Variants in LRRC8C observed in about 807,000 individuals in gnomAD.
LRRC8C encodes leucine rich repeat containing 8 VRAC subunit C.
LRRC8C carries 20 observed loss-of-function variants against 55.3 expected under a neutral mutation model. That is an observed-to-expected ratio of 0.36 (90% CI 0.25 to 0.53). The LOEUF is 0.53. Ranked by LOEUF, LRRC8C falls within the 20% of genes least tolerant of loss-of-function variation. The pLI, the probability that LRRC8C is intolerant of heterozygous loss-of-function variation, is 0.92. For synonymous variants in LRRC8C, 376 were observed against 360.7 expected, an observed-to-expected ratio of 1.04 and a Z score of -0.48; for missense variants, 659 against 951.4, an observed-to-expected ratio of 0.69 and a Z score of 4.04.
intron 1 of LRRC8C, among the ~76,000 whole-genome samples, chr1:89,649,718 A>T (rs535046185): frequency 1.6e-4 from 24 of 152,152 alleles, no homozygotes; most frequent in Non-Finnish European, 2.6e-4. Flanking sequence ...TCCTTTGCCC[A>T]GGGTGGTGGA....
intron 1 of LRRC8C, among the ~76,000 whole-genome samples, chr1:89,648,857 A>T (rs1240800778): frequency 6.6e-6 from 1 of 152,140 alleles, no homozygotes. Context: ...TTTGTGACTA[A>T]CTTCTTTCAC....
At chr1:89,639,311 C>T (rs1033771433) in intron 1 of LRRC8C, among the ~76,000 whole-genome samples, 2 of 152,086 alleles carry the variant, frequency 1.3e-5, no homozygotes, top group Non-Finnish European at 2.9e-5. Flanking sequence ...TGAAACACTG[C>T]GTTCCATAAC....
At chr1:89,646,524 G>T (rs1011814838) in intron 1 of LRRC8C, among the ~76,000 whole-genome samples, 1 of 151,894 alleles carries the variant, frequency 6.6e-6, no homozygotes, top group East Asian at 1.9e-4. Context: ...TGATCATATG[G>T]TTTTTCTCCT....
chr1:89,632,185 CAA>C (rs1656125385), upstream of LRRC8C: 1 of 152,220 alleles, frequency 6.6e-6, no homozygotes, highest in Non-Finnish European at 1.5e-5. Flanking sequence ...TGCCAGCTTT[CAA>C]GACGTCAGAG....
chr1:89,657,561 T>C (rs769248001), intron 1 of LRRC8C, among the ~76,000 whole-genome samples: 4 of 151,822 alleles, frequency 2.6e-5, no homozygotes, highest in Non-Finnish European at 5.9e-5. Flanking sequence ...GCCAATATGG[T>C]GAAACCCCGT....
chr1:89,625,662 C>T, the LRRC8C span, among the ~76,000 whole-genome samples: 2 of 152,184 alleles, frequency 1.3e-5, no homozygotes, highest in African/African-American at 4.8e-5. Context: ...AATAATTTTC[C>T]AAAGAGAGAA....
chr1:89,698,874 A>G (rs1229371106), intron 2 of LRRC8C, among the ~76,000 whole-genome samples: 1 of 152,124 alleles, frequency 6.6e-6, no homozygotes, highest in African/African-American at 2.4e-5. Context: ...ATATGGGTGT[A>G]AACTTCCTCC....
intron 1 of LRRC8C, among the ~76,000 whole-genome samples, chr1:89,678,797 G>T (rs1363144385): frequency 6.6e-6 from 1 of 151,900 alleles, no homozygotes; most frequent in Non-Finnish European, 1.5e-5. Flanking sequence ...ATGACTCCAA[G>T]ATTTGTGGCC....
the LRRC8C span, among the ~76,000 whole-genome samples, chr1:89,627,683 C>A: frequency 2.0e-5 from 3 of 152,142 alleles, no homozygotes; most frequent in Non-Finnish European, 4.4e-5. Context: ...AATTGACTTG[C>A]CTAGGCCCAA....
At chr1:89,617,598 GTCTGTGT>G in the LRRC8C span, among the ~76,000 whole-genome samples, 1 of 152,144 alleles carries the variant, frequency 6.6e-6, no homozygotes, top group Non-Finnish European at 1.5e-5. Flanking sequence ...ATTTAATACT[GTCTGTGT>G]TCTGTTTCCA....
chr1:89,669,097 A>G (rs1208968594), intron 1 of LRRC8C, among the ~76,000 whole-genome samples: 1 of 152,214 alleles, frequency 6.6e-6, no homozygotes, highest in Non-Finnish European at 1.5e-5. Flanking sequence ...ACACAATGGA[A>G]TACTACTCAG....
rs368848144 is a variant in LRRC8C, at chr1:89,713,254, G to A, written c.684G>A (p.Gly228=). ...TTGTAGTTGATAAATCCACTGCAGG[G>A]GCTCTGGATAAAAAGGAAGGTGAGC... is the stretch of plus-strand genomic sequence containing the variant. ...EKFVVDKSTA[G]ALDKKEGEQA... The change falls in exon 3 of 3, where the codon GGG becomes GGA. Residue 228 remains glycine, a synonymous_variant. Transcript: ENST00000370454. The surrounding 1 kb of genome is among the most constrained non-coding windows in gnomAD (Gnocchi z 5.2). 2 of 1,614,046 alleles carry A rather than the reference G, an allele frequency of 1.2e-6. No homozygotes were observed. Among genetic ancestry groups the A allele is most frequent in the Non-Finnish European group, 1.7e-6 (2 of 1,180,036 alleles).
At chr1:89,707,102 C>T (rs1022103531) in intron 2 of LRRC8C, among the ~76,000 whole-genome samples, 3 of 152,026 alleles carry the variant, frequency 2.0e-5, no homozygotes, top group Non-Finnish European at 2.9e-5. Flanking sequence ...GGATGTCAGT[C>T]GTTCCTAAAG....
chr1:89,698,735 A>AT (rs11443052), intron 2 of LRRC8C, among the ~76,000 whole-genome samples: 9,054 of 151,480 alleles, frequency 0.06, 860 homozygotes, highest in African/African-American at 0.21. Flanking sequence ...CCAAGGTATG[A>AT]TTTTTTTTTC....
intron 1 of LRRC8C, among the ~76,000 whole-genome samples, chr1:89,685,486 T>G (rs1287674685): frequency 6.6e-6 from 1 of 152,182 alleles, no homozygotes; most frequent in Non-Finnish European, 1.5e-5. Flanking sequence ...TTGGCCACCC[T>G]TATTCCTTGC....
At chr1:89,665,988 A>C (rs1365171911) in intron 1 of LRRC8C, among the ~76,000 whole-genome samples, 3 of 152,214 alleles carry the variant, frequency 2.0e-5, no homozygotes, top group Non-Finnish European at 4.4e-5. Flanking sequence ...TGCTGTACAG[A>C]TTTATAGCCT....
intron 1 of LRRC8C, among the ~76,000 whole-genome samples, chr1:89,684,665 G>A (rs899106498): frequency 3.3e-5 from 5 of 152,180 alleles, no homozygotes; most frequent in African/African-American, 1.2e-4. Flanking sequence ...GCCATAAAGT[G>A]TCAGGAAAAT....
chr1:89,654,849 A>T (rs183639736), intron 1 of LRRC8C, among the ~76,000 whole-genome samples: 1 of 141,480 alleles, frequency 7.1e-6, no homozygotes, highest in East Asian at 2.1e-4. Context: ...TTATTAATTC[A>T]TTGTGTGCTA....
At chr1:89,664,336 G>T (rs1413440079) in intron 1 of LRRC8C, among the ~76,000 whole-genome samples, 1 of 152,118 alleles carries the variant, frequency 6.6e-6, no homozygotes, top group Non-Finnish European at 1.5e-5. Flanking sequence ...TAAGGAAGGG[G>T]TGCAGTTTCA....
Sources: allele counts gnomAD v4.1 joint callset (sites outside exome capture counted in the v4.1 genomes callset), GRCh38; gene constraint gnomAD v4.1.1; non-coding constraint Gnocchi (gnomAD v3.1); transcripts MANE v1.5; gene names NCBI Gene and HGNC (gene_info 2026-07-23, HGNC 2026-07-21).